DNAAF5: variants seen among roughly 807,000 people sequenced by gnomAD.
The protein encoded by DNAAF5 is HEAT repeat containing 2.
In DNAAF5, 64 loss-of-function variants were observed where a neutral mutation model predicts 75.8. The ratio of observed to expected loss-of-function variants is 0.84; its 90% CI spans 0.69 to 1.04. DNAAF5 has a LOEUF of 1.04. DNAAF5 is among the 50% of genes least tolerant of loss of function. The probability of loss-of-function intolerance (pLI) is 0.00; values close to 1 mark genes in which losing one functional copy is unlikely to be tolerated. For missense variants in DNAAF5, 1,269 were observed against 1,178.5 expected (o/e 1.08, Z -1.12); for synonymous variants, 657 against 557.2 (o/e 1.18, Z -2.52).
intron 2 of DNAAF5, among the ~76,000 whole-genome samples, chr7:733,597 C>G (rs568926554): frequency 1.3e-5 from 2 of 152,108 alleles, no homozygotes; most frequent in Admixed American, 6.6e-5. Context: ...CCCAGGTTCA[C>G]GCCATTCTCC....
chr7:744,164 C>T (rs1554251796), intron 4 of DNAAF5, among the ~76,000 whole-genome samples: 118,229 of 151,806 alleles, frequency 0.78, 46,361 homozygotes, highest in South Asian at 0.86. Flanking sequence ...TGTTCAATTC[C>T]CACCTATGAG....
intron 8 of DNAAF5, among the ~76,000 whole-genome samples, chr7:769,971 A>G (rs1211567890): frequency 6.6e-6 from 1 of 150,810 alleles, no homozygotes; most frequent in Non-Finnish European, 1.5e-5. Context: ...TGTTTTTTTG[A>G]GACATAGTCT....
chr7:733,014 C>T (rs772393358), intron 2 of DNAAF5, among the ~76,000 whole-genome samples: 2 of 152,158 alleles, frequency 1.3e-5, no homozygotes, highest in Non-Finnish European at 2.9e-5. Context: ...CCAGTTTTCC[C>T]AGCACCATTT....
chr7:763,812 G>A lies in DNAAF5; in HGVS notation c.1621G>A (p.Glu541Lys). 6.2e-7 allele frequency: 1 copy of A among 1,613,326 alleles called. No homozygotes were observed. The highest frequency in any genetic ancestry group is 1.3e-5 in the African/African-American group (1 of 75,068). The change falls in exon 8 of 13, where the codon GAG (glutamate) becomes AAG (lysine). Residue 541 changes from glutamate (E) to lysine (K), a missense_variant. By Grantham distance (56) the Glu-to-Lys change is moderately conservative. Transcript: ENST00000297440. The part of the protein sequence containing the change: ...GATGLRDKAQ[E>K]TMDSLAMVEG... Reference sequence around the variant, plus strand: ...TCTGACTTGTAACCTCCAGGCACAGGAGACGATGGACTCACTGGCCATGGT... The same window carrying A: ...TCTGACTTGTAACCTCCAGGCACAGAAGACGATGGACTCACTGGCCATGGT...
Position 774,163 on chromosome 7 carries a change from G to A in DNAAF5, c.2047G>A (p.Ala683Thr), listed in dbSNP as rs1778674293. The change falls in exon 10 of 13, where the codon GCG becomes ACG. Residue 683 changes from alanine (A) to threonine (T), a missense_variant. Transcript: ENST00000297440. ...IRTAAVSCLW[A>T]LTSSEVLSAE... ...CACGGCTGCCGTGTCCTGCCTCTGG[G>A]CGCTCACCAGCAGCGAGGTCCTGTC... 2 of 1,611,714 alleles carry A rather than the reference G, an allele frequency of 1.2e-6. No individual in the cohort carries two copies. The highest frequency in any genetic ancestry group is 3.3e-5 in the Admixed American group (2 of 59,970).
Position 770,628 on chromosome 7 carries a change from G to T in DNAAF5, c.1931+10G>T. 5.0e-6 allele frequency: 8 copies of T among 1,611,896 alleles called. No individual in the cohort carries two copies. Among genetic ancestry groups the T allele is most frequent in the Non-Finnish European group, 6.8e-6 (8 of 1,179,260 alleles). On this transcript the variant is annotated intron_variant, in intron 9 of 12. Transcript: ENST00000297440. ...CCATCAACTCCCAGGGGTAGGTCCG[G>T]GCTCTGCCTCTGCACGGCCCCCAGC...
At chr7:781,746 G>C (rs4236270) in intron 12 of DNAAF5, among the ~76,000 whole-genome samples, 66,718 of 152,058 alleles carry the variant, frequency 0.44, 14,968 homozygotes, top group Middle Eastern at 0.47. Flanking sequence ...AGGAGCGGTG[G>C]TGGTGGGCAC....
chr7:740,738 AGCACTCAGAGCC>A (rs1443579654), intron 2 of DNAAF5, 69 bp from the exon 3 acceptor site: 2 of 1,568,274 alleles, frequency 1.3e-6, no homozygotes, highest in Non-Finnish European at 1.7e-6. Flanking sequence ...TCCGTATGGC[AGCACTCAGAGCC>A]GCACCGTGGC....
At position 740,857 on chromosome 7, in the gene DNAAF5, G is replaced by T; in HGVS notation, c.819G>T (p.Leu273=). The change falls in exon 3 of 13, where the codon CTG becomes CTT. Residue 273 remains leucine (L), a synonymous_variant. Transcript: ENST00000297440. The stretch of plus-strand genomic sequence containing the variant: ...TGGCCTCCGTGGTGGGCGGCTGGCT[G>T]CTGTGTCTGCGTGACCGTTACTCCT... ...RAVASVVGGW[L]LCLRDRYSFF... The T allele has an allele frequency of 6.2e-7, 1 of 1,614,064 alleles. No homozygotes were observed. Among genetic ancestry groups the T allele is most frequent in the South Asian group, 1.1e-5 (1 of 91,088 alleles).
chr7:780,258 T>C, intron 12 of DNAAF5, 114 bp downstream of exon 12: 1 of 936,542 alleles, frequency 1.1e-6, no homozygotes, highest in Non-Finnish European at 1.6e-6. Flanking sequence ...AGGAGGGGCC[T>C]CAGCTCCGGC....
At chr7:739,271 G>T (rs2128072247) in intron 2 of DNAAF5, among the ~76,000 whole-genome samples, 1 of 152,360 alleles carries the variant, frequency 6.6e-6, no homozygotes, top group Non-Finnish European at 1.5e-5. Flanking sequence ...TCAGCACATG[G>T]CACTGGGTGA....
chr7:736,390 G>T (rs193099063), intron 2 of DNAAF5, among the ~76,000 whole-genome samples: 2 of 152,336 alleles, frequency 1.3e-5, no homozygotes, highest in East Asian at 3.8e-4. Flanking sequence ...GGATACTCCA[G>T]TGTTGGGTGC....
At chr7:783,936 G>A (rs1023614409) in intron 12 of DNAAF5, among the ~76,000 whole-genome samples, 3 of 151,758 alleles carry the variant, frequency 2.0e-5, no homozygotes, top group African/African-American at 7.3e-5. Context: ...GACTGCACAG[G>A]GCATCTCCCT....
intron 4 of DNAAF5, among the ~76,000 whole-genome samples, chr7:748,377 T>C (rs568354514): frequency 2.6e-5 from 4 of 152,306 alleles, no homozygotes; most frequent in South Asian, 2.1e-4. Flanking sequence ...TGAGAGGACA[T>C]TGGGGCCTTT....
At chr7:777,693 T>C (rs1425904462) in intron 11 of DNAAF5, among the ~76,000 whole-genome samples, 1 of 152,196 alleles carries the variant, frequency 6.6e-6, no homozygotes, top group Non-Finnish European at 1.5e-5. Flanking sequence ...TTCTTGCTAA[T>C]TCCCGGAAAT....
intron 2 of DNAAF5, among the ~76,000 whole-genome samples, chr7:731,566 T>TAA (rs1468343391): frequency 1.3e-5 from 2 of 152,262 alleles, no homozygotes; most frequent in African/African-American, 4.8e-5. Flanking sequence ...ATTGTTGATC[T>TAA]AAAGCAAGCT....
At chr7:744,404 G>T (rs1782017878) in intron 4 of DNAAF5, among the ~76,000 whole-genome samples, 2 of 152,172 alleles carry the variant, frequency 1.3e-5, no homozygotes, top group South Asian at 4.1e-4. Flanking sequence ...AAACATACAT[G>T]TGCCTGTGTC....
At chr7:757,664 T>C (rs1332841628) in intron 6 of DNAAF5, among the ~76,000 whole-genome samples, 2 of 152,254 alleles carry the variant, frequency 1.3e-5, no homozygotes, top group Non-Finnish European at 2.9e-5. Flanking sequence ...TAATCCATAG[T>C]TGTATTCCAT....
intron 9 of DNAAF5, chr7:773,118 A>G (rs1345977112): frequency 1.3e-5 from 2 of 152,158 alleles, no homozygotes; most frequent in Non-Finnish European, 2.9e-5. Flanking sequence ...CGTTCATTCC[A>G]GAGAGCCCTC....
Sources: allele counts gnomAD v4.1 joint callset (sites outside exome capture counted in the v4.1 genomes callset), GRCh38; gene constraint gnomAD v4.1.1; transcripts MANE v1.5; gene names NCBI Gene and HGNC (gene_info 2026-07-23, HGNC 2026-07-21).